The following PAX7 variants were observed in gnomAD, a reference collection of about 807,000 sequenced individuals.
The protein encoded by PAX7 is paired box 7, also known as paired box protein Pax-7.
PAX7 carries 18 observed loss-of-function variants against 50.7 expected under a neutral mutation model. That is an observed-to-expected ratio of 0.36 (90% CI 0.25 to 0.53). The LOEUF is 0.53. Ranked by LOEUF, PAX7 falls within the 20% of genes least tolerant of loss-of-function variation. PAX7 has a pLI of 0.93. For missense variants in PAX7, 644 were observed against 702.9 expected (o/e 0.92, Z 0.95); for synonymous variants, 310 against 290.4 (o/e 1.07, Z -0.69).
chr1:18,703,061 CTT>C, intron 6 of PAX7, 31 bp from the exon 7 acceptor site: 1 of 1,593,440 alleles, frequency 6.3e-7, no homozygotes, highest in Non-Finnish European at 8.6e-7. Context: ...GATGAGGCCA[CTT>C]GCTTAGGACC....
chr1:18,699,328 C>G (rs2282701), intron 5 of PAX7, among the ~76,000 whole-genome samples: 1 of 152,080 alleles, frequency 6.6e-6, no homozygotes, highest in East Asian at 1.9e-4. Context: ...CTGAACCCAC[C>G]TTAGATGCGG....
intron 4 of PAX7, among the ~76,000 whole-genome samples, chr1:18,665,590 G>A: frequency 6.6e-6 from 1 of 151,252 alleles, no homozygotes; most frequent in Admixed American, 6.6e-5. Context: ...GGCCAGGATG[G>A]TCTCCATCTC....
At chr1:18,669,055 T>C (rs1446076878) in intron 4 of PAX7, among the ~76,000 whole-genome samples, 1 of 152,220 alleles carries the variant, frequency 6.6e-6, no homozygotes, top group Non-Finnish European at 1.5e-5. Flanking sequence ...GAGGATGTGC[T>C]AAGCACCTGT....
In PAX7 at chr1:18,735,462, A is replaced by G. The variant is rs983970746; in HGVS notation, c.1156-170A>G. Reference sequence around the variant, plus strand: ...AACACCGAAGACCAGCAGCCATCCCATGCATGAGGGCACGCAAATCAGGTA... The same window carrying G: ...AACACCGAAGACCAGCAGCCATCCCGTGCATGAGGGCACGCAAATCAGGTA... On this transcript the variant is annotated intron_variant, in intron 7 of 8. Transcript: ENST00000420770. The surrounding 1 kb of genome is among the most constrained non-coding windows in gnomAD (Gnocchi z 4.0). Among the ~76,000 whole-genome samples, 1 of 152,158 alleles carries G rather than the reference A, an allele frequency of 6.6e-6. No individual in the cohort carries two copies. The highest frequency in any genetic ancestry group is 2.4e-5 in the African/African-American group (1 of 41,434).
chr1:18,742,985 A>G (rs1023372462), intron 8 of PAX7, among the ~76,000 whole-genome samples: 2 of 152,192 alleles, frequency 1.3e-5, no homozygotes, highest in African/African-American at 4.8e-5. Context: ...CCAGGGCCAC[A>G]TGAGCAGGAG....
rs371475871 is a variant in PAX7 at position 18,700,672 on chromosome 1, G to A, written c.806G>A (p.Arg269His). 4 of 1,575,286 alleles carry A rather than the reference G, an allele frequency of 2.5e-6. No individual in the cohort carries two copies. The highest frequency in any genetic ancestry group is 2.3e-5 in the South Asian group (2 of 86,308). ...ARVQVWFSNR[R>H]ARWRKQAGAN... ...TCCCAGGTCTGGTTCAGTAACCGCC[G>A]CGCCCGTTGGCGTAAGCAGGCAGGA... Residue 269 changes from arginine to histidine, a missense_variant, in exon 6 of 9, where the codon CGC becomes CAC. By Grantham distance (29) the Arg-to-His change is conservative (BLOSUM62 0). Coordinates refer to ENST00000420770, the MANE Select transcript of PAX7 (RefSeq NM_001135254.2). The surrounding 1 kb of genome is among the most constrained non-coding windows in gnomAD (Gnocchi z 4.8).
intron 5 of PAX7, among the ~76,000 whole-genome samples, chr1:18,697,413 C>T (rs1024816248): frequency 4.6e-5 from 7 of 152,150 alleles, no homozygotes; most frequent in Admixed American, 4.6e-4. Context: ...AGAGGGTCTC[C>T]AGCAGAATGA....
intron 4 of PAX7, among the ~76,000 whole-genome samples, chr1:18,655,943 C>G (rs2088510982): frequency 6.6e-6 from 1 of 152,092 alleles, no homozygotes; most frequent in African/African-American, 2.4e-5. Flanking sequence ...AAAGGCGGAA[C>G]AGCTTGGGGG....
chr1:18,693,735 T>C (rs2089110686), intron 5 of PAX7, among the ~76,000 whole-genome samples: 1 of 152,028 alleles, frequency 6.6e-6, no homozygotes, highest in Admixed American at 6.6e-5. Context: ...TCCCTCCCGC[T>C]CTGATCCTCC....
At chr1:18,672,378 T>A (rs2088762049) in intron 4 of PAX7, among the ~76,000 whole-genome samples, 1 of 152,068 alleles carries the variant, frequency 6.6e-6, no homozygotes, top group Non-Finnish European at 1.5e-5. Context: ...AATATCAACT[T>A]TTTTTTGTTT....
At chr1:18,744,760 G>C in intron 8 of PAX7, 54 bp from the exon 9 acceptor site, 1 of 1,022,048 alleles carries the variant, frequency 9.8e-7, no homozygotes. Flanking sequence ...AGAGTGAATG[G>C]AAGAATAAAC....
At chr1:18,713,744 C>A (rs1030111647) in intron 7 of PAX7, among the ~76,000 whole-genome samples, 1 of 152,176 alleles carries the variant, frequency 6.6e-6, no homozygotes, top group South Asian at 2.1e-4. Flanking sequence ...TCAGAGAAGG[C>A]TTCCTGGAAG....
At chr1:18,698,272 TACACACACAC>T (rs71018097) in intron 5 of PAX7, among the ~76,000 whole-genome samples, 5 of 147,320 alleles carry the variant, frequency 3.4e-5, no homozygotes, top group East Asian at 4.0e-4. Context: ...ATTGTTAAAA[TACACACACAC>T]ACACACACAC....
At chr1:18,679,925 A>G (rs1197249731) in intron 4 of PAX7, among the ~76,000 whole-genome samples, 2 of 152,176 alleles carry the variant, frequency 1.3e-5, no homozygotes, top group Non-Finnish European at 2.9e-5. Context: ...TCCACACTAC[A>G]TGGAGGGGCC....
At position 18,735,255 on chromosome 1, in the gene PAX7, C is replaced by T. The variant is rs1050468812; in HGVS notation, c.1156-377C>T. 6.6e-6 allele frequency among the ~76,000 whole-genome samples: 1 copy of T among 152,228 alleles called. No individual in the cohort carries two copies. Among genetic ancestry groups the T allele is most frequent in the Non-Finnish European group, 1.5e-5 (1 of 68,038 alleles). Reference sequence around the variant, plus strand: ...TCTCTGAGCTTGGAGAACTCCCTGACTGATGGGAGAGGCCTCATTAGCCAG... The same window carrying T: ...TCTCTGAGCTTGGAGAACTCCCTGATTGATGGGAGAGGCCTCATTAGCCAG... On this transcript the variant is annotated intron_variant, in intron 7 of 8. Coordinates refer to ENST00000420770, the MANE Select transcript of PAX7 (RefSeq NM_001135254.2). The surrounding 1 kb of genome is among the most constrained non-coding windows in gnomAD (Gnocchi z 4.0).
chr1:18,732,156 C>G (rs2089654282), intron 7 of PAX7, among the ~76,000 whole-genome samples: 1 of 152,130 alleles, frequency 6.6e-6, no homozygotes, highest in African/African-American at 2.4e-5. Context: ...CCTGACTGCC[C>G]CACATAGCCC....
At chr1:18,670,390 T>G (rs1264006989) in intron 4 of PAX7, among the ~76,000 whole-genome samples, 1 of 152,002 alleles carries the variant, frequency 6.6e-6, no homozygotes, top group Non-Finnish European at 1.5e-5. Flanking sequence ...AGGATGGAGG[T>G]GGCTTTTGTT....
chr1:18,699,646 T>G (rs2089191598), intron 5 of PAX7, among the ~76,000 whole-genome samples: 1 of 151,584 alleles, frequency 6.6e-6, no homozygotes, highest in Non-Finnish European at 1.5e-5. Flanking sequence ...CTGCAAGCTC[T>G]GCCTCCCGGG....
At chr1:18,731,871 G>A in intron 7 of PAX7, among the ~76,000 whole-genome samples, 1 of 152,190 alleles carries the variant, frequency 6.6e-6, no homozygotes, top group East Asian at 1.9e-4. Flanking sequence ...ACAGCCCAGG[G>A]TCCAAGGCCT....
Sources: allele counts gnomAD v4.1 joint callset (sites outside exome capture counted in the v4.1 genomes callset), GRCh38; gene constraint gnomAD v4.1.1; non-coding constraint Gnocchi (gnomAD v3.1); transcripts MANE v1.5; gene names NCBI Gene and HGNC (gene_info 2026-07-23, HGNC 2026-07-21).